Variants in FGGY observed in about 807,000 individuals in gnomAD.
The protein encoded by FGGY is FGGY carbohydrate kinase domain-containing protein.
In FGGY, 72 loss-of-function variants were observed where a neutral mutation model predicts 71.3. The observed-to-expected ratio is 1.01, with a 90% confidence interval of 0.84 to 1.23. The LOEUF (loss-of-function observed/expected upper bound fraction) is 1.23. FGGY is among the 50% of genes most tolerant of loss of function. FGGY has a pLI of 0.00. For synonymous variants in FGGY, 251 were observed against 250.3 expected (o/e 1.00, Z -0.02); for missense variants, 668 against 682.3 (o/e 0.98, Z 0.23).
intron 5 of FGGY, among the ~76,000 whole-genome samples, chr1:59,390,815 G>A (rs2060603589): frequency 6.6e-6 from 1 of 152,178 alleles, no homozygotes; most frequent in African/African-American, 2.4e-5. Flanking sequence ...ACAAGGTAAA[G>A]GGAGAAGGTG....
chr1:59,382,663 C>T (rs932356743), intron 5 of FGGY, among the ~76,000 whole-genome samples: 5 of 152,030 alleles, frequency 3.3e-5, no homozygotes, highest in African/African-American at 4.8e-5. Context: ...ATTGTACATC[C>T]GTGAAAGAAA....
intron 11 of FGGY, among the ~76,000 whole-genome samples, chr1:59,648,046 A>T (rs2097114992): frequency 1.5e-4 from 12 of 79,354 alleles, no homozygotes; most frequent in African/African-American, 5.4e-4. Flanking sequence ...ATGATTTCCA[A>T]TTTCATCCAT....
intron 6 of FGGY, among the ~76,000 whole-genome samples, chr1:59,489,050 C>G (rs1387420784): frequency 6.6e-6 from 1 of 151,946 alleles, no homozygotes; most frequent in Non-Finnish European, 1.5e-5. Context: ...TGTCTAGATA[C>G]TTAAAAGGCT....
intron 3 of FGGY, among the ~76,000 whole-genome samples, chr1:59,343,321 C>T (rs1413641863): frequency 2.0e-5 from 3 of 152,148 alleles, no homozygotes; most frequent in East Asian, 3.8e-4. Flanking sequence ...TTCTCTTAAA[C>T]GACAACATTT....
At chr1:59,373,722 G>T (rs1375426713) in intron 4 of FGGY, among the ~76,000 whole-genome samples, 2 of 151,444 alleles carry the variant, frequency 1.3e-5, no homozygotes, top group Non-Finnish European at 2.9e-5. Context: ...TAGATCAATG[G>T]AACAGAACAG....
chr1:59,577,186 A>G (rs900635470), intron 8 of FGGY, among the ~76,000 whole-genome samples: 2 of 152,228 alleles, frequency 1.3e-5, no homozygotes, highest in Non-Finnish European at 2.9e-5. Context: ...GAATAAATGA[A>G]TGAGTCAATC....
chr1:59,666,372 T>A (rs986707559), intron 12 of FGGY, among the ~76,000 whole-genome samples: 1 of 152,212 alleles, frequency 6.6e-6, no homozygotes, highest in African/African-American at 2.4e-5. Context: ...TATGGCCACA[T>A]CACAGTTCAT....
intron 4 of FGGY, among the ~76,000 whole-genome samples, chr1:59,350,599 G>C (rs1387249939): frequency 6.6e-6 from 1 of 152,134 alleles, no homozygotes; most frequent in African/African-American, 2.4e-5. Context: ...TAAATAGTCT[G>C]AGTTCGGCTT....
chr1:59,325,229 C>T (rs835370), intron 2 of FGGY, among the ~76,000 whole-genome samples: 58,183 of 151,508 alleles, frequency 0.38, 11,508 homozygotes, highest in African/African-American at 0.48. Flanking sequence ...TGGTGGCGGG[C>T]GCCTGTAGTC....
chr1:59,618,980 T>C (rs1015352071), intron 9 of FGGY, among the ~76,000 whole-genome samples: 3 of 152,014 alleles, frequency 2.0e-5, no homozygotes, highest in African/African-American at 7.2e-5. Flanking sequence ...CCCTGGCTTT[T>C]GCTTATTTTT....
Position 59,435,745 on chromosome 1 carries a change from C to CGTGTGTGT in FGGY, c.555-21181_555-21174dup, listed in dbSNP as rs10563712. 1.2e-3 allele frequency among the ~76,000 whole-genome samples: 174 copies of CGTGTGTGT among 142,350 alleles called. 1 individual carries two copies. The highest frequency in any genetic ancestry group is 3.6e-3 in the East Asian group (17 of 4,702). The allele number at this position is 142,350 out of a possible 152,430, so 93.4% of individuals were successfully genotyped here. Reference sequence around the variant, plus strand: ...ATTTCCTTCCTCACGTGTGTGCCTGCGTGTGTGTGTGTGTGTGTGTGTGTG... The same window carrying CGTGTGTGT: ...ATTTCCTTCCTCACGTGTGTGCCTGCGTGTGTGTGTGTGTGTGTGTGTGTGTGTGTGTG... On this transcript the variant is annotated intron_variant, in intron 5 of 15. Coordinates refer to ENST00000303721, the MANE Select transcript of FGGY (RefSeq NM_018291.5).
At chr1:59,753,690 T>C in intron 14 of FGGY, among the ~76,000 whole-genome samples, 1 of 151,758 alleles carries the variant, frequency 6.6e-6, no homozygotes, top group Non-Finnish European at 1.5e-5. Flanking sequence ...TGTTTTTATA[T>C]GCATATCTTG....
At chr1:59,406,916 A>G (rs909142648) in intron 5 of FGGY, among the ~76,000 whole-genome samples, 2 of 152,124 alleles carry the variant, frequency 1.3e-5, no homozygotes, top group African/African-American at 4.8e-5. Flanking sequence ...TAACTTATCA[A>G]TTGTGTTGGC....
At chr1:59,591,788 T>C (rs2096445389) in intron 8 of FGGY, among the ~76,000 whole-genome samples, 1 of 152,160 alleles carries the variant, frequency 6.6e-6, no homozygotes, top group African/African-American at 2.4e-5. Flanking sequence ...AAAAGTTAAT[T>C]CAAGATGGAT....
chr1:59,433,977 T>C (rs996541478), intron 5 of FGGY, among the ~76,000 whole-genome samples: 2 of 152,244 alleles, frequency 1.3e-5, no homozygotes, highest in African/African-American at 4.8e-5. Context: ...TTATTATTTG[T>C]TTCATTTTGG....
chr1:59,758,388 A>C (rs2098312828), intron 15 of FGGY, among the ~76,000 whole-genome samples: 1 of 152,232 alleles, frequency 6.6e-6, no homozygotes, highest in Non-Finnish European at 1.5e-5. Flanking sequence ...TTTTAATCCC[A>C]ATTCAACAAA....
At chr1:59,647,655 C>T (rs2153912517) in intron 11 of FGGY, among the ~76,000 whole-genome samples, 1 of 152,062 alleles carries the variant, frequency 6.6e-6, no homozygotes, top group South Asian at 2.1e-4. Context: ...GCTGAGGTCC[C>T]TGTTTCCATG....
intron 7 of FGGY, among the ~76,000 whole-genome samples, chr1:59,517,378 G>A (rs1279264423): frequency 1.4e-5 from 2 of 145,450 alleles, no homozygotes; most frequent in Non-Finnish European, 3.0e-5. Flanking sequence ...CCATTCTCCT[G>A]CCTCAGCCTC....
intron 14 of FGGY, among the ~76,000 whole-genome samples, chr1:59,746,919 C>T (rs1179824431): frequency 6.6e-6 from 1 of 152,134 alleles, no homozygotes; most frequent in Non-Finnish European, 1.5e-5. Flanking sequence ...AGTATAGGTT[C>T]CAAAGCCATA....
Sources: allele counts gnomAD v4.1 joint callset (sites outside exome capture counted in the v4.1 genomes callset), GRCh38; gene constraint gnomAD v4.1.1; transcripts MANE v1.5; gene names NCBI Gene and HGNC (gene_info 2026-07-23, HGNC 2026-07-21).